Variants in WDR24 observed in about 807,000 individuals in gnomAD.
WDR24 encodes WD repeat domain 24.
A neutral mutation model predicts 66.7 loss-of-function variants in WDR24; 32 were observed. The ratio of observed to expected loss-of-function variants is 0.48; its 90% CI spans 0.36 to 0.64. WDR24 has a LOEUF of 0.64. WDR24 is among the 30% of genes least tolerant of loss of function. WDR24 has a pLI of 0.00. For missense variants in WDR24, 978 were observed against 1,144.1 expected (o/e 0.85, Z 2.09); for synonymous variants, 565 against 469.1 (o/e 1.20, Z -2.64).
chr16:686,043 G>T, intron 4 of WDR24, 25 bp downstream of exon 4: 1 of 1,612,752 alleles, frequency 6.2e-7, no homozygotes, highest in Non-Finnish European at 8.5e-7. Flanking sequence ...CCCAGCCCCT[G>T]GGGAGAGCTG....
chr16:686,014 G>A, intron 4 of WDR24, 24 bp from the exon 5 acceptor site: 1 of 1,612,886 alleles, frequency 6.2e-7, no homozygotes, highest in Non-Finnish European at 8.5e-7. Context: ...GGGCCCATGG[G>A]TGGGTGGGCT....
At chr16:688,078 G>A (rs753079980) in intron 1 of WDR24, 9 of 491,812 alleles carry the variant, frequency 1.8e-5, no homozygotes, top group South Asian at 9.3e-5. Context: ...CCCAGCCATC[G>A]CCCACTCCCG....
In WDR24 at chr16:685,297, A is replaced by G; in HGVS notation, c.1979T>C (p.Leu660Pro). Residue 660 changes from leucine (L) to proline (P), a missense_variant, in exon 7 of 9, where the codon CTG becomes CCG. Transcript: ENST00000293883. ...GATGTCCTTGCGCACCCGTTCACCC[A>G]GGACGATGAGCACAGACACAGCCAT... ...VQMAVSVLIVLGERVRKDIDE... is the reference protein window; with the variant it reads ...VQMAVSVLIVPGERVRKDIDE... The G allele has an allele frequency of 6.3e-7, 1 of 1,599,468 alleles. No homozygotes were observed.
In WDR24 at chr16:689,338, C is replaced by T. The variant is rs772670888; in HGVS notation, c.303G>A (p.Thr101=). The T allele has an allele frequency of 1.7e-5, 28 of 1,613,620 alleles. No homozygotes were observed. The Admixed American group carries it at 2.2e-4, about 12-fold the overall frequency. The part of the protein sequence containing the change: ...ATAATNGVVV[T]WNLGRPSRNK... ...TGCGGGATGGCCGGCCCAGGTTCCA[C>T]GTGACCACCACGCCATTGGTGGCTG... is the stretch of plus-strand genomic sequence containing the variant. Residue 101 remains threonine (T), a synonymous_variant, in exon 1 of 9, where the codon ACG becomes ACA. Coordinates refer to ENST00000293883, the MANE Select transcript of WDR24 (RefSeq NM_032259.4).
rs779026874 is a variant in WDR24 at position 687,332 on chromosome 16, C to T, written c.744G>A (p.Val248=). 7 of 1,610,000 alleles carry T rather than the reference C, an allele frequency of 4.3e-6. No individual in the cohort carries two copies. The East Asian group carries it at 1.3e-4, about 31-fold the overall frequency. The change falls in exon 3 of 9, where the codon GTG becomes GTA. Residue 248 remains valine (V), a synonymous_variant. Coordinates refer to ENST00000293883, the MANE Select transcript of WDR24 (RefSeq NM_032259.4). ...CACGGGCCACCGAGGCGATGGTCTG[C>T]ACACAGTGCATCTCCTTGGCACGGT... ...TTHRAKEMHC[V]QTIASVARVK...
Position 686,855 on chromosome 16 carries a change from G to A in WDR24, c.1221C>T (p.Gly407=), listed in dbSNP as rs779458750. The change falls in exon 3 of 9, where the codon GGC becomes GGT. Residue 407 remains glycine (G), a synonymous_variant. Transcript: ENST00000293883. ...CTGTGTCCACAAACCAGCGCATGCC[G>A]CCGCCACCTGGCTCCGTCTCAAAGA... ...LSVFETEPGG[G]GMRWFVDTAE... 9.9e-6 allele frequency: 16 copies of A among 1,610,442 alleles called. No individual in the cohort carries two copies. Among genetic ancestry groups the A allele is most frequent in the Admixed American group, 3.3e-5 (2 of 59,938 alleles).
intron 3 of WDR24, 119 bp from the exon 4 acceptor site, chr16:686,305 C>A: frequency 1.8e-6 from 2 of 1,135,600 alleles, no homozygotes; most frequent in East Asian, 2.5e-5. Context: ...ACCCAATGTC[C>A]AGGCCCACCC....
At chr16:686,270 C>T (rs1428670376) in intron 3 of WDR24, 84 bp from the exon 4 acceptor site, 4 of 1,474,000 alleles carry the variant, frequency 2.7e-6, no homozygotes, top group African/African-American at 2.8e-5. Flanking sequence ...CAGTCACAAG[C>T]CCTCAGCATT....
chr16:685,053 G>C lies in WDR24; in HGVS notation c.2143C>G (p.Leu715Val), dbSNP rs866195139. 1.9e-6 allele frequency: 3 copies of C among 1,557,940 alleles called. No homozygotes were observed. The highest frequency in any genetic ancestry group is 2.4e-5 in the East Asian group (1 of 41,662). Residue 715 changes from leucine to valine, a missense_variant, in exon 8 of 9, where the codon CTG becomes GTG. This residue lies in a region of WDR24 where 676 missense variants were observed against 617.5 expected (regional missense o/e 1.09). Transcript: ENST00000293883. ...TTGCAGTGGCTGCAGTTGACGTGCAGGGTGGTGGAGGCCTGGTTGAGGCAG... is the reference window on the plus strand; with the variant it reads ...TTGCAGTGGCTGCAGTTGACGTGCACGGTGGTGGAGGCCTGGTTGAGGCAG... ...VSCLNQASTT[L>V]HVNCSHCKRP...
At position 689,761 on chromosome 16, in the gene WDR24, C is replaced by G; in HGVS notation, c.-121G>C. ...GTTGGGACCCCAGAACTGCTTGGTC[C>G]CGGGCTGGTCAGTCTTAGTGAGCCA... is the stretch of plus-strand genomic sequence containing the variant. On this transcript the variant is annotated 5_prime_UTR_variant, in exon 1 of 9. Transcript: ENST00000293883. The G allele has an allele frequency of 6.8e-7, 1 of 1,463,812 alleles. No homozygotes were observed. The highest frequency in any genetic ancestry group is 9.1e-7 in the Non-Finnish European group (1 of 1,094,844). 90.7% of individuals were successfully genotyped at this position (1,463,812 alleles called of 1,614,324 possible).
In WDR24 at chr16:689,442, C is replaced by A; in HGVS notation, c.199G>T (p.Val67Leu). The stretch of plus-strand genomic sequence containing the variant: ...AGGTTAAGCGAAGGCTTGCGCCCCA[C>A]ACGCAGGTTCAGCTTTTCCACGAAC... The part of the protein sequence containing the change: ...EQFVEKLNLR[V>L]GRKPSLNLSC... The change falls in exon 1 of 9, where the codon GTG (valine) becomes TTG (leucine). Residue 67 changes from valine (V) to leucine (L), a missense_variant. Physicochemically the swap from Val to Leu is conservative, Grantham distance 32. Around this residue, in one of 2 missense-constraint regions of WDR24, gnomAD observed 302 missense variants for 526.6 expected, o/e 0.57. Coordinates refer to ENST00000293883, the MANE Select transcript of WDR24 (RefSeq NM_032259.4). 1 of 1,613,690 alleles carries A rather than the reference C, an allele frequency of 6.2e-7. No homozygotes were observed. The highest frequency in any genetic ancestry group is 8.5e-7 in the Non-Finnish European group (1 of 1,180,042).
rs2039888327 is a variant in WDR24 at position 685,604 on chromosome 16, G to A, written c.1679-7C>T. 1.9e-6 allele frequency: 3 copies of A among 1,601,600 alleles called. No individual in the cohort carries two copies. Among genetic ancestry groups the A allele is most frequent in the African/African-American group, 1.3e-5 (1 of 74,810 alleles). ...ACGCACTCAGGGTCCTCGGCTGGAAGGCAGGGACCAGCGGAGGCTCTGAGT... is the reference window on the plus strand; with the variant it reads ...ACGCACTCAGGGTCCTCGGCTGGAAAGCAGGGACCAGCGGAGGCTCTGAGT... On this transcript the variant is annotated splice_polypyrimidine_tract_variant and splice_region_variant and intron_variant, in intron 6 of 8. Coordinates refer to ENST00000293883, the MANE Select transcript of WDR24 (RefSeq NM_032259.4).
intron 4 of WDR24, 39 bp from the exon 5 acceptor site, chr16:686,029 C>T (rs372764802): frequency 1.5e-5 from 24 of 1,612,530 alleles, no homozygotes; most frequent in Non-Finnish European, 1.8e-5. Context: ...TGGGCTCGAG[C>T]AGCCCCAGCC....
chr16:686,382 G>C (rs537924389), intron 3 of WDR24, among the ~76,000 whole-genome samples, 196 bp from the exon 4 acceptor site: 1 of 152,220 alleles, frequency 6.6e-6, no homozygotes, highest in Non-Finnish European at 1.5e-5. Flanking sequence ...GCAGCACAGA[G>C]GAAAACAGAA....
rs1448750784 is a variant in WDR24 at position 687,420 on chromosome 16, T to A, written c.660-4A>T. 3 of 1,582,116 alleles carry A rather than the reference T, an allele frequency of 1.9e-6. No individual in the cohort carries two copies. Among genetic ancestry groups the A allele is most frequent in the Admixed American group, 1.7e-5 (1 of 58,152 alleles). ...CCCTCCAGTGGCCAACCAGCCCCTG[T>A]GGGAAGAAGGTCCACCCAAACCCTC... On this transcript the variant is annotated splice_polypyrimidine_tract_variant and splice_region_variant and intron_variant, in intron 2 of 8. Transcript: ENST00000293883.
Position 689,181 on chromosome 16 carries a change from C to T in WDR24, c.460G>A (p.Asp154Asn), listed in dbSNP as rs2039940857. Residue 154 changes from aspartate (D) to asparagine (N), a missense_variant, in exon 1 of 9, where the codon GAC becomes AAC. Transcript: ENST00000293883. ...FMKCFDLRRKDSVSTFSGQSE... is the reference protein window; with the variant it reads ...FMKCFDLRRKNSVSTFSGQSE... The stretch of plus-strand genomic sequence containing the variant: ...TCACCCGAGAAGGTGCTGACAGAGT[C>T]CTTTCTGCGGAGGTCAAAGCACTTC... 3 of 1,613,628 alleles carry T rather than the reference C, an allele frequency of 1.9e-6. No individual in the cohort carries two copies. The highest frequency in any genetic ancestry group is 1.7e-6 in the Non-Finnish European group (2 of 1,179,990).
At chr16:686,227 C>G in intron 3 of WDR24, 41 bp from the exon 4 acceptor site, 2 of 1,600,834 alleles carry the variant, frequency 1.2e-6, no homozygotes, top group Non-Finnish European at 1.7e-6. Flanking sequence ...TCCTGGACAC[C>G]CAGCACCCCA....
At chr16:685,215 CA>C (rs770181400) in intron 7 of WDR24, 39 bp from the exon 8 acceptor site, 63 of 1,597,738 alleles carry the variant, frequency 3.9e-5, no homozygotes, top group Non-Finnish European at 5.1e-5. Flanking sequence ...ATCTGGGTGC[CA>C]GGGGCGGCGC....
chr16:688,989 G>T, intron 1 of WDR24, 171 bp downstream of exon 1: 1 of 1,074,630 alleles, frequency 9.3e-7, no homozygotes, highest in Non-Finnish European at 1.3e-6. Flanking sequence ...CTCACATGCC[G>T]TCCAGCCCAA....
Sources: gnomAD v4.1 joint callset for allele counts (sites outside exome capture counted in the v4.1 genomes callset) on GRCh38, gnomAD v4.1.1 for gene constraint, gnomAD v4.1.1 regional missense constraint, MANE v1.5 for transcripts, NCBI Gene and HGNC (gene_info 2026-07-23, HGNC 2026-07-21) for gene names.